The following USP30 variants were observed in gnomAD, a reference collection of about 807,000 sequenced individuals.
The protein encoded by USP30 is ubiquitin specific peptidase 30.
A neutral mutation model predicts 68.2 loss-of-function variants in USP30; 41 were observed. The ratio of observed to expected loss-of-function variants is 0.60; its 90% CI spans 0.47 to 0.78. The LOEUF (loss-of-function observed/expected upper bound fraction) is 0.78, where lower values mean the gene tolerates loss of function less well. USP30 is among the 30% of genes least tolerant of loss of function. The probability of loss-of-function intolerance (pLI) is 0.00; values close to 1 mark genes in which losing one functional copy is unlikely to be tolerated. For synonymous variants in USP30, 229 were observed against 253.7 expected, an observed-to-expected ratio of 0.90 and a Z score of 0.93; for missense variants, 522 against 649.4, an observed-to-expected ratio of 0.80 and a Z score of 2.13.
chr12:109,058,128 A>C lies in USP30; in HGVS notation c.376+20A>C, dbSNP rs750125227. ...TGAAAGGTATCTAGATGGGAATTTC[A>C]AGGGAATTATGTACCTTTTCAAAGA... On this transcript the variant is annotated intron_variant, in intron 3 of 12. Transcript: ENST00000257548. The C allele has an allele frequency of 1.6e-5, 25 of 1,585,960 alleles. No homozygotes were observed. The highest frequency in any genetic ancestry group is 2.1e-5 in the Non-Finnish European group (24 of 1,167,056).
chr12:109,036,471 T>C (rs2040521623), intron 3 of USP30, among the ~76,000 whole-genome samples: 1 of 152,032 alleles, frequency 6.6e-6, no homozygotes, highest in African/African-American at 2.4e-5. Flanking sequence ...CTAATTTTTG[T>C]ATTTTGGATA....
At chr12:109,067,688 C>A in intron 4 of USP30, 61 bp downstream of exon 4, 2 of 1,454,272 alleles carry the variant, frequency 1.4e-6, no homozygotes, top group South Asian at 1.2e-5. Flanking sequence ...GACTTGGGGC[C>A]TGACCTTAAA....
At chr12:109,067,481 A>T in intron 3 of USP30, 43 bp from the exon 4 acceptor site, 1 of 1,549,168 alleles carries the variant, frequency 6.5e-7, no homozygotes, top group Non-Finnish European at 8.9e-7. Context: ...GTTAGTTGTT[A>T]TGCTGATGAA....
chr12:109,048,291 C>T (rs2040623829), upstream of USP30, among the ~76,000 whole-genome samples: 1 of 151,874 alleles, frequency 6.6e-6, no homozygotes. Flanking sequence ...CACCATGTTG[C>T]CCAGACTCGT....
At chr12:109,050,775 G>A (rs538859815), upstream of USP30, among the ~76,000 whole-genome samples, 3 of 152,216 alleles carry the variant, frequency 2.0e-5, no homozygotes, top group South Asian at 2.1e-4. Context: ...TTGGGAGCCC[G>A]AGGCGGATGG....
intron 3 of USP30, among the ~76,000 whole-genome samples, chr12:109,037,939 C>T (rs1305888113): frequency 6.6e-6 from 1 of 152,108 alleles, no homozygotes; most frequent in Non-Finnish European, 1.5e-5. Flanking sequence ...GTATGTCCTT[C>T]TAGATACTCA....
intron 3 of USP30, among the ~76,000 whole-genome samples, chr12:109,044,479 A>G (rs891062498): frequency 6.6e-6 from 1 of 152,104 alleles, no homozygotes; most frequent in Non-Finnish European, 1.5e-5. Context: ...CTCTACAAAA[A>G]AAGAAAAATC....
chr12:109,063,814 A>G (rs940733701), intron 3 of USP30, among the ~76,000 whole-genome samples: 1 of 148,892 alleles, frequency 6.7e-6, no homozygotes, highest in Non-Finnish European at 1.5e-5. Flanking sequence ...CTTATTGGCC[A>G]TTTTGTCTAT....
At chr12:109,066,873 A>G (rs904192616) in intron 3 of USP30, among the ~76,000 whole-genome samples, 1 of 152,134 alleles carries the variant, frequency 6.6e-6, no homozygotes, top group Admixed American at 6.5e-5. Context: ...GGCCCTCCCA[A>G]CCTGAAAGTT....
chr12:109,083,007 C>T lies in USP30; in HGVS notation c.1113C>T (p.Asn371=). ...HKPSQHNPKL[N]KNPGPTLELQ... ...CTAGTCAACACAACCCTAAACTGAA[C>T]AAGAACCCAGGGCCTACACTGGAGC... Residue 371 remains asparagine, a synonymous_variant, in exon 11 of 13, where the codon AAC becomes AAT. Coordinates refer to ENST00000257548, the MANE Select transcript of USP30 (RefSeq NM_032663.5). 6.2e-7 allele frequency: 1 copy of T among 1,614,094 alleles called. No homozygotes were observed. The highest frequency in any genetic ancestry group is 1.3e-5 in the African/African-American group (1 of 75,058).
Position 109,059,357 on chromosome 12 carries a change from G to C in USP30, c.376+1249G>C, listed in dbSNP as rs928317785. Reference sequence around the variant, plus strand: ...TGACAGGTCTGTGCCACCACACCCAGCTAATTTTTTGCATTTTTAGTTGAG... The same window carrying C: ...TGACAGGTCTGTGCCACCACACCCACCTAATTTTTTGCATTTTTAGTTGAG... On this transcript the variant is annotated intron_variant, in intron 3 of 12. Coordinates refer to ENST00000257548, the MANE Select transcript of USP30 (RefSeq NM_032663.5). Among the ~76,000 whole-genome samples the C allele has an allele frequency of 9.9e-5, 15 of 152,118 alleles. 1 individual carries two copies. The highest frequency in any genetic ancestry group is 3.6e-4 in the African/African-American group (15 of 41,484).
intron 1 of USP30, 90 bp downstream of exon 1, chr12:109,052,851 G>T (rs1252188705): frequency 3.1e-6 from 4 of 1,282,738 alleles, no homozygotes; most frequent in Non-Finnish European, 1.0e-6. Context: ...CCTAGTTGGG[G>T]TCTCCAGGGC....
chr12:109,031,585 A>G (rs1041423054), intron 3 of USP30, among the ~76,000 whole-genome samples: 4 of 152,250 alleles, frequency 2.6e-5, no homozygotes, highest in Non-Finnish European at 4.4e-5. Flanking sequence ...ATAGCCAAAC[A>G]GTGGAAGCAA....
At position 109,070,550 on chromosome 12, in the gene USP30, C is replaced by T. The variant is rs1566096603; in HGVS notation, c.481-1062C>T. ...GGCCAGATAAGAATGGTAGGTTTTA[C>T]TCTAGTAGTGGAAGCCATTGGAAAG... On this transcript the variant is annotated intron_variant, in intron 4 of 12. Coordinates refer to ENST00000257548, the MANE Select transcript of USP30 (RefSeq NM_032663.5). This position sits in a 1 kb window ranked among gnomAD's most constrained non-coding sequence, Gnocchi z 4.0. 6.6e-6 allele frequency among the ~76,000 whole-genome samples: 1 copy of T among 152,168 alleles called. No homozygotes were observed. The highest frequency in any genetic ancestry group is 6.5e-5 in the Admixed American group (1 of 15,282).
At chr12:109,082,596 G>C (rs1223052228) in intron 9 of USP30, 67 bp from the exon 10 acceptor site, 1 of 1,496,546 alleles carries the variant, frequency 6.7e-7, no homozygotes, top group Middle Eastern at 1.7e-4. Flanking sequence ...ACACCACTGT[G>C]GTCTGCAGCA....
intron 7 of USP30, among the ~76,000 whole-genome samples, chr12:109,078,556 A>G (rs7965921): frequency 0.72 from 108,299 of 151,192 alleles, 39,911 homozygotes; most frequent in East Asian, 0.97. Context: ...CCGAGATCAC[A>G]CCACTGCATG....
chr12:109,051,032 T>C (rs1397076519), upstream of USP30, among the ~76,000 whole-genome samples: 3 of 152,266 alleles, frequency 2.0e-5, no homozygotes, highest in South Asian at 6.2e-4. Context: ...AATTTTCACA[T>C]AGAAATGACA....
At chr12:109,039,091 A>T (rs746606649) in intron 3 of USP30, among the ~76,000 whole-genome samples, 295 of 152,290 alleles carry the variant, frequency 1.9e-3, no homozygotes, top group Non-Finnish European at 3.1e-3. Flanking sequence ...GAAAAATTTT[A>T]AAATTTTGAT....
intron 6 of USP30, 98 bp downstream of exon 6, chr12:109,072,448 C>A: frequency 8.5e-7 from 1 of 1,175,436 alleles, no homozygotes; most frequent in Non-Finnish European, 1.2e-6. Context: ...TGGTGACATA[C>A]AGGCCAGCTT....
Sources: gnomAD v4.1 joint callset for allele counts (sites outside exome capture counted in the v4.1 genomes callset) on GRCh38, gnomAD v4.1.1 for gene constraint, Gnocchi (gnomAD v3.1) non-coding constraint, MANE v1.5 for transcripts, NCBI Gene and HGNC (gene_info 2026-07-23, HGNC 2026-07-21) for gene names.